Variants in EML6 observed in about 807,000 individuals in gnomAD.
EML6 encodes echinoderm microtubule-associated protein-like 6.
A neutral mutation model predicts 240.1 loss-of-function variants in EML6; 154 were observed. That is an observed-to-expected ratio of 0.64 (90% CI 0.56 to 0.73). EML6 has a LOEUF of 0.73. Among genes scored for constraint, EML6 ranks in the 30% least tolerant of loss-of-function variants. The probability of loss-of-function intolerance (pLI) is 0.00; values close to 1 mark genes in which losing one functional copy is unlikely to be tolerated. For missense variants in EML6, 2,964 were observed against 2,474.6 expected (o/e 1.20, Z -4.20); for synonymous variants, 1,148 against 899.0 (o/e 1.28, Z -4.95).
chr2:54,935,704 A>G (rs1255266453), intron 28 of EML6, among the ~76,000 whole-genome samples: 1 of 152,170 alleles, frequency 6.6e-6, no homozygotes, highest in African/African-American at 2.4e-5. Flanking sequence ...TGTTATTCGC[A>G]TATATCTTTA....
chr2:54,962,397 C>T lies in EML6; in HGVS notation c.4969-126C>T, dbSNP rs1194515248. 1.6e-5 allele frequency: 12 copies of T among 730,998 alleles called. No homozygotes were observed. In the Middle Eastern group the frequency reaches 8.7e-4, roughly 53 times the overall value. 45.3% of individuals were successfully genotyped at this position (730,998 alleles called of 1,614,324 possible). A position where few individuals can be genotyped will look rare whatever the true frequency, so the allele number is the denominator to read the frequency against. ...ACTGAACACTGACTCCCCTGTCCAC[C>T]ACCCCCATTCACCGGCAGTCATCAT... On this transcript the variant is annotated intron_variant, in intron 35 of 41. Transcript: ENST00000356458.
At chr2:54,959,747 A>G (rs1254504275) in intron 34 of EML6, among the ~76,000 whole-genome samples, 2 of 152,148 alleles carry the variant, frequency 1.3e-5, no homozygotes, top group East Asian at 3.8e-4. Context: ...GGGCGACAAG[A>G]GTGAAACTCC....
At chr2:54,893,167 C>G (rs1672567132) in intron 19 of EML6, among the ~76,000 whole-genome samples, 1 of 152,218 alleles carries the variant, frequency 6.6e-6, no homozygotes, top group South Asian at 2.1e-4. Flanking sequence ...ACAATTCAAG[C>G]TCATCATAAT....
intron 2 of EML6, among the ~76,000 whole-genome samples, chr2:54,798,956 A>G (rs367755305): frequency 4.5e-4 from 68 of 152,298 alleles, no homozygotes; most frequent in African/African-American, 1.3e-3. Flanking sequence ...TTCTATTCTT[A>G]ATTTGCTGAC....
At position 54,921,912 on chromosome 2, in the gene EML6, T is replaced by TA. The variant is rs985090772; in HGVS notation, c.3675+4984dup. 7.2e-5 allele frequency among the ~76,000 whole-genome samples: 11 copies of TA among 152,218 alleles called. 1 individual carries two copies. In the South Asian group the frequency reaches 1.4e-3, roughly 20 times the overall value. On this transcript the variant is annotated intron_variant, in intron 26 of 41. Transcript: ENST00000356458. ...AATTTGGACTTTATCTCACACCATT[T>TA]AAAAAAATTAACCCAAAGTGGATTA...
chr2:54,729,732 T>C (rs1683072275), intron 2 of EML6, among the ~76,000 whole-genome samples: 1 of 152,210 alleles, frequency 6.6e-6, no homozygotes, highest in Non-Finnish European at 1.5e-5. Context: ...AGGTAGTAGA[T>C]TGTTGCTCTT....
chr2:54,968,451 G>A (rs1461396289), intron 40 of EML6, among the ~76,000 whole-genome samples, 170 bp downstream of exon 40: 1 of 152,220 alleles, frequency 6.6e-6, no homozygotes, highest in Non-Finnish European at 1.5e-5. Context: ...CTGGAAGCCA[G>A]AAGGGAGGAT....
At chr2:54,812,669 TG>T (rs1326197145) in intron 2 of EML6, among the ~76,000 whole-genome samples, 1 of 152,186 alleles carries the variant, frequency 6.6e-6, no homozygotes, top group Non-Finnish European at 1.5e-5. Flanking sequence ...TGTAGTTCTT[TG>T]GTGTCACAGT....
At chr2:54,922,483 A>C (rs1053155070) in intron 26 of EML6, among the ~76,000 whole-genome samples, 16 of 152,200 alleles carry the variant, frequency 1.1e-4, no homozygotes, top group African/African-American at 3.1e-4. Context: ...GGAAAACGAT[A>C]TGGAGGTTCC....
chr2:54,805,907 C>G (rs1162560975), intron 2 of EML6, among the ~76,000 whole-genome samples: 2 of 152,130 alleles, frequency 1.3e-5, no homozygotes, highest in East Asian at 3.9e-4. Context: ...GAAAAACAAT[C>G]CTTTCCCCTG....
At chr2:54,820,180 T>G (rs1213885641) in intron 4 of EML6, among the ~76,000 whole-genome samples, 1 of 152,192 alleles carries the variant, frequency 6.6e-6, no homozygotes, top group African/African-American at 2.4e-5. Context: ...TATGGTAAGT[T>G]CTCTCTCTAC....
intron 2 of EML6, among the ~76,000 whole-genome samples, chr2:54,803,574 G>A (rs1472971378): frequency 6.6e-6 from 1 of 152,144 alleles, no homozygotes; most frequent in Non-Finnish European, 1.5e-5. Context: ...CATTGTCAAT[G>A]CTTTGGAGAA....
chr2:54,905,157 G>A (rs1673255117), intron 24 of EML6, among the ~76,000 whole-genome samples: 1 of 152,122 alleles, frequency 6.6e-6, no homozygotes, highest in Non-Finnish European at 1.5e-5. Flanking sequence ...GCAGGGCACT[G>A]TGACTTTATC....
chr2:54,820,327 A>T, intron 4 of EML6, 67 bp from the exon 5 acceptor site: 1 of 869,310 alleles, frequency 1.2e-6, no homozygotes, highest in Non-Finnish European at 1.9e-6. Flanking sequence ...TGGCAATTGG[A>T]CTAGTATTGG....
chr2:54,735,807 G>T (rs1367245736), intron 2 of EML6, among the ~76,000 whole-genome samples: 1 of 152,242 alleles, frequency 6.6e-6, no homozygotes, highest in African/African-American at 2.4e-5. Flanking sequence ...TAAGAGGGAA[G>T]TGAAGTCCAG....
Position 54,801,679 on chromosome 2 carries a change from G to A in EML6, c.198-11553G>A, listed in dbSNP as rs149706798. Reference sequence around the variant, plus strand: ...TTTGCAGTGTTATTAGCTTTCAAAGGCCCTTTCATTTCCATTTAATGATTT... The same window carrying A: ...TTTGCAGTGTTATTAGCTTTCAAAGACCCTTTCATTTCCATTTAATGATTT... On this transcript the variant is annotated intron_variant, in intron 2 of 41. Coordinates refer to ENST00000356458, the MANE Select transcript of EML6 (RefSeq NM_001039753.4). Among the ~76,000 whole-genome samples, 307 of 151,118 alleles carry A rather than the reference G, an allele frequency of 2.0e-3. 4 individuals carry two copies. The highest frequency in any genetic ancestry group is 3.0e-4 in the Non-Finnish European group (20 of 67,436).
At chr2:54,881,892 G>C (rs533704998) in intron 17 of EML6, 4 of 152,384 alleles carry the variant, frequency 2.6e-5, no homozygotes, top group African/African-American at 9.6e-5. Flanking sequence ...GTTTTGGCAA[G>C]GGTGATTGTT....
rs536093052 is a variant in EML6, at chr2:54,787,556, G to T, written c.198-25676G>T. ...ATTGGATTGTTCTTGAGCATTAAAT[G>T]AGATAATGTGTAAAGTACCGCATAG... is the stretch of plus-strand genomic sequence containing the variant. On this transcript the variant is annotated intron_variant, in intron 2 of 41. Coordinates refer to ENST00000356458, the MANE Select transcript of EML6 (RefSeq NM_001039753.4). Among the ~76,000 whole-genome samples, 10 of 152,306 alleles carry T rather than the reference G, an allele frequency of 6.6e-5. 1 individual carries two copies. The East Asian group carries it at 1.9e-3, about 29-fold the overall frequency.
At chr2:54,960,960 A>C (rs1676466649) in intron 35 of EML6, among the ~76,000 whole-genome samples, 1 of 152,134 alleles carries the variant, frequency 6.6e-6, no homozygotes, top group Non-Finnish European at 1.5e-5. Flanking sequence ...CTTAAAAGCC[A>C]ATCTCCAAAC....
Sources: allele counts gnomAD v4.1 joint callset (sites outside exome capture counted in the v4.1 genomes callset), GRCh38; gene constraint gnomAD v4.1.1; transcripts MANE v1.5; gene names NCBI Gene and HGNC (gene_info 2026-07-23, HGNC 2026-07-21).